DYNLRB2: variants seen among roughly 807,000 people sequenced by gnomAD.
The protein encoded by DYNLRB2 is dynein light chain roadblock-type 2.
DYNLRB2 carries 14 observed loss-of-function variants against 12.6 expected under a neutral mutation model. That is an observed-to-expected ratio of 1.11 (90% CI 0.73 to 1.73). The LOEUF (loss-of-function observed/expected upper bound fraction) is 1.73. Among genes scored for constraint, DYNLRB2 ranks in the 40% most tolerant of loss-of-function variants. The probability of loss-of-function intolerance (pLI) is 0.00; values close to 1 mark genes in which losing one functional copy is unlikely to be tolerated. For missense variants in DYNLRB2, 142 were observed against 117.7 expected, an observed-to-expected ratio of 1.21 and a Z score of -0.95; for synonymous variants, 53 against 37.0, an observed-to-expected ratio of 1.43 and a Z score of -1.57.
chr16:80,550,669 A>G lies in DYNLRB2; in HGVS notation c.*111A>G. ...ACTGACCCTTCAAACATTCTTTTCT[A>G]TTTCTATATCTAAACTGTTCTGCAT... On this transcript the variant is annotated 3_prime_UTR_variant, in exon 4 of 4. Transcript: ENST00000305904. 5 of 1,204,686 alleles carry G rather than the reference A, an allele frequency of 4.2e-6. No individual in the cohort carries two copies. Among genetic ancestry groups the G allele is most frequent in the Non-Finnish European group, 4.9e-6 (4 of 814,180 alleles). The allele number at this position is 1,204,686 out of a possible 1,614,324, so 74.6% of individuals were successfully genotyped here.
In DYNLRB2 at chr16:80,547,832, A is replaced by G. The variant is rs1386905714; in HGVS notation, c.80-1652A>G. The G allele has an allele frequency of 2.2e-5, 10 of 456,542 alleles. No homozygotes were observed. The Admixed American group carries it at 2.4e-4, about 11-fold the overall frequency. The allele number at this position is 456,542 out of a possible 1,614,324, so 28.3% of individuals were successfully genotyped here. Reference sequence around the variant, plus strand: ...GAGAAAAAGTGGCCAACAAATCACAATAAAAGATTAGCAAGGTTTTTATTA... The same window carrying G: ...GAGAAAAAGTGGCCAACAAATCACAGTAAAAGATTAGCAAGGTTTTTATTA... On this transcript the variant is annotated intron_variant, in intron 2 of 3. Coordinates refer to ENST00000305904, the MANE Select transcript of DYNLRB2 (RefSeq NM_130897.3).
chr16:80,549,251 T>C (rs1904681636), intron 2 of DYNLRB2: 1 of 444,960 alleles, frequency 2.2e-6, no homozygotes, highest in Non-Finnish European at 4.1e-6. Flanking sequence ...TATAATTTTG[T>C]GAAGAAAAAA....
At chr16:80,548,872 C>G (rs1904651872) in intron 2 of DYNLRB2, 5 of 451,994 alleles carry the variant, frequency 1.1e-5, no homozygotes, top group South Asian at 7.8e-5. Context: ...TTGTGAAATA[C>G]TGTGTGAGGA....
At chr16:80,546,223 A>G (rs1472480101) in intron 2 of DYNLRB2, among the ~76,000 whole-genome samples, 2 of 152,230 alleles carry the variant, frequency 1.3e-5, no homozygotes, top group East Asian at 3.9e-4. Flanking sequence ...CAATTTCAAC[A>G]ACCTCCTCAA....
chr16:80,546,245 A>C (rs1033014668), intron 2 of DYNLRB2, among the ~76,000 whole-genome samples: 1 of 152,368 alleles, frequency 6.6e-6, no homozygotes, highest in Middle Eastern at 3.4e-3. Flanking sequence ...TTTAGATGAA[A>C]GCATCATTTA....
chr16:80,547,104 C>T (rs9932143), intron 2 of DYNLRB2, among the ~76,000 whole-genome samples: 33,906 of 152,122 alleles, frequency 0.22, 3,951 homozygotes, highest in Middle Eastern at 0.3. Context: ...TGCTCATCAG[C>T]AGGACATATT....
chr16:80,540,846 G>A (rs1909276983), upstream of DYNLRB2: 2 of 754,168 alleles, frequency 2.7e-6, no homozygotes, highest in Non-Finnish European at 2.4e-6. Context: ...AGGATTGGGC[G>A]AACCTCAGGT....
intron 1 of DYNLRB2, chr16:80,541,316 AG>A: frequency 3.1e-6 from 3 of 979,088 alleles, no homozygotes; most frequent in Non-Finnish European, 3.6e-6. Context: ...GTACATAAGG[AG>A]GGGTGATGTT....
Position 80,543,261 on chromosome 16 carries a change from C to T in DYNLRB2, c.4-15C>T, listed in dbSNP as rs764914966. 6.2e-7 allele frequency: 1 copy of T among 1,613,496 alleles called. No individual in the cohort carries two copies. The highest frequency in any genetic ancestry group is 2.2e-5 in the East Asian group (1 of 44,888). ...CAGGGCCCTTTTGGTTAATTATCTT[C>T]CTGGTCTCTTTCAGGCAGAGGTGGA... is the stretch of plus-strand genomic sequence containing the variant. On this transcript the variant is annotated splice_polypyrimidine_tract_variant and intron_variant, in intron 1 of 3. Coordinates refer to ENST00000305904, the MANE Select transcript of DYNLRB2 (RefSeq NM_130897.3).
chr16:80,542,663 T>C (rs1197770578), intron 1 of DYNLRB2, among the ~76,000 whole-genome samples: 1 of 152,192 alleles, frequency 6.6e-6, no homozygotes, highest in African/African-American at 2.4e-5. Context: ...CAATAATAGA[T>C]TCCAGAATAA....
At chr16:80,547,449 T>A (rs1210533334) in intron 2 of DYNLRB2, among the ~76,000 whole-genome samples, 1 of 152,178 alleles carries the variant, frequency 6.6e-6, no homozygotes, top group South Asian at 2.1e-4. Context: ...TGTTGATTGA[T>A]TTTTTCCAAG....
At chr16:80,541,886 T>C (rs550840047) in intron 1 of DYNLRB2, among the ~76,000 whole-genome samples, 1 of 152,344 alleles carries the variant, frequency 6.6e-6, no homozygotes, top group Admixed American at 6.5e-5. Flanking sequence ...GCTTACGGTT[T>C]AGTGTAGTGT....
At chr16:80,549,067 G>A (rs771696223) in intron 2 of DYNLRB2, 6 of 452,036 alleles carry the variant, frequency 1.3e-5, no homozygotes, top group African/African-American at 4.0e-5. Flanking sequence ...GTCAGTTAAT[G>A]GCTTCTGAAA....
intron 2 of DYNLRB2, chr16:80,547,890 T>C: frequency 4.4e-6 from 2 of 455,706 alleles, no homozygotes. Context: ...TTCCTGTAAA[T>C]ATTATCCTCA....
intron 2 of DYNLRB2, among the ~76,000 whole-genome samples, chr16:80,544,420 A>C (rs945333594): frequency 6.6e-6 from 1 of 152,242 alleles, no homozygotes; most frequent in Admixed American, 6.5e-5. Flanking sequence ...GAACATAATA[A>C]ATTTTCGAGC....
Position 80,549,475 on chromosome 16 carries a change from T to G in DYNLRB2, c.80-9T>G, listed in dbSNP as rs1334441910. 3.8e-6 allele frequency: 6 copies of G among 1,570,142 alleles called. No individual in the cohort carries two copies. Among genetic ancestry groups the G allele is most frequent in the Non-Finnish European group, 5.2e-6 (6 of 1,153,846 alleles). On this transcript the variant is annotated splice_polypyrimidine_tract_variant and intron_variant, in intron 2 of 3. Coordinates refer to ENST00000305904, the MANE Select transcript of DYNLRB2 (RefSeq NM_130897.3). ...AAAAAATATTAACCAAAATTAAATT[T>G]CATAATAGGTATTCCCATCCGAACA... is the stretch of plus-strand genomic sequence containing the variant.
At chr16:80,543,432 A>G (rs1904308244) in intron 2 of DYNLRB2, 81 bp downstream of exon 2, 1 of 1,349,314 alleles carries the variant, frequency 7.4e-7, no homozygotes, top group African/African-American at 1.5e-5. Context: ...TAAGACAAAC[A>G]TCTTCGAATT....
intron 2 of DYNLRB2, among the ~76,000 whole-genome samples, chr16:80,546,173 A>G (rs1246589389): frequency 6.6e-6 from 1 of 152,208 alleles, no homozygotes; most frequent in Non-Finnish European, 1.5e-5. Context: ...TATTAATGGC[A>G]TATGGTGTAA....
chr16:80,544,044 C>A (rs1567516498), intron 2 of DYNLRB2, among the ~76,000 whole-genome samples: 1 of 152,158 alleles, frequency 6.6e-6, no homozygotes, highest in Non-Finnish European at 1.5e-5. Context: ...GCCAGAAATT[C>A]CAGAGCATTA....
Sources: gnomAD v4.1 joint callset for allele counts (sites outside exome capture counted in the v4.1 genomes callset) on GRCh38, gnomAD v4.1.1 for gene constraint, MANE v1.5 for transcripts, NCBI Gene and HGNC (gene_info 2026-07-23, HGNC 2026-07-21) for gene names.